Variants in CAMSAP1 observed in about 807,000 individuals in gnomAD.
CAMSAP1 encodes the protein calmodulin regulated spectrin associated protein 1.
Under a neutral mutation model 143.5 loss-of-function variants are expected in CAMSAP1, and 58 were observed. The observed-to-expected ratio is 0.40, with a 90% CI of 0.33 to 0.50. The LOEUF (loss-of-function observed/expected upper bound fraction) is 0.50. Among genes scored for constraint, CAMSAP1 ranks in the 20% least tolerant of loss-of-function variants. CAMSAP1 has a pLI of 0.45. For missense variants in CAMSAP1, 1,969 were observed against 2,115.7 expected (o/e 0.93, Z 1.36); for synonymous variants, 945 against 859.3 (o/e 1.10, Z -1.74).
At chr9:135,893,609 AAGG>A (rs920133793) in intron 1 of CAMSAP1, among the ~76,000 whole-genome samples, 25 of 152,334 alleles carry the variant, frequency 1.6e-4, no homozygotes, top group African/African-American at 6.0e-4. Context: ...GAGGCCCAGG[AAGG>A]AGAAGAAAAA....
intron 1 of CAMSAP1, among the ~76,000 whole-genome samples, chr9:135,904,274 C>G (rs1173778971): frequency 6.6e-6 from 1 of 151,120 alleles, no homozygotes; most frequent in East Asian, 2.0e-4. Context: ...GGTGGTGCAC[C>G]TGTAGTCCCA....
At chr9:135,868,869 G>GC (rs1837476461) in intron 3 of CAMSAP1, among the ~76,000 whole-genome samples, 1 of 152,000 alleles carries the variant, frequency 6.6e-6, no homozygotes, top group Non-Finnish European at 1.5e-5. Context: ...ACCTGCCTCA[G>GC]CCTCCCAAAG....
At chr9:135,840,991 G>A (rs1415536101) in intron 7 of CAMSAP1, among the ~76,000 whole-genome samples, 1 of 152,114 alleles carries the variant, frequency 6.6e-6, no homozygotes, top group African/African-American at 2.4e-5. Context: ...GAACGCCAGC[G>A]AGGCAGAACT....
intron 1 of CAMSAP1, among the ~76,000 whole-genome samples, chr9:135,885,456 C>G (rs1424476675): frequency 6.6e-6 from 1 of 152,162 alleles, no homozygotes; most frequent in African/African-American, 2.4e-5. Context: ...CAGGGGACCC[C>G]TCAGAGTGAT....
At chr9:135,840,598 G>C (rs894661580) in intron 7 of CAMSAP1, among the ~76,000 whole-genome samples, 4 of 151,648 alleles carry the variant, frequency 2.6e-5, no homozygotes, top group African/African-American at 9.7e-5. Context: ...AGATCAAACA[G>C]CTCCAATCTG....
rs202053346 is a variant in CAMSAP1 at position 135,824,746 on chromosome 9, G to A, written c.1315+43C>T. ...AGAAATATGATTTTACTAATCTATA[G>A]TAAGGAGAAATTAAGGAAAAAAGGA... On this transcript the variant is annotated intron_variant, in intron 9 of 16. Transcript: ENST00000389532. This position sits in a 1 kb window ranked among gnomAD's most constrained non-coding sequence, Gnocchi z 4.1. The A allele has an allele frequency of 7.9e-7, 1 of 1,269,422 alleles. No homozygotes were observed. Among genetic ancestry groups the A allele is most frequent in the Admixed American group, 2.6e-5 (1 of 38,194 alleles). The allele number at this position is 1,269,422 out of a possible 1,614,324, so 78.6% of individuals were successfully genotyped here. A position where few individuals can be genotyped will look rare whatever the true frequency, so the allele number is the denominator to read the frequency against.
At chr9:135,862,330 A>T in intron 5 of CAMSAP1, 137 bp downstream of exon 5, 2 of 1,027,758 alleles carry the variant, frequency 1.9e-6, no homozygotes, top group Non-Finnish European at 2.7e-6. Flanking sequence ...TTTCATCTAT[A>T]GGCTAACATC....
intron 5 of CAMSAP1, 90 bp downstream of exon 5, chr9:135,862,373 CTTTT>C (rs55684126): frequency 1.5e-5 from 16 of 1,073,024 alleles, no homozygotes; most frequent in Non-Finnish European, 2.0e-5. Context: ...TTTTCTTTCT[CTTTT>C]TTTTTTTTAA....
intron 3 of CAMSAP1, among the ~76,000 whole-genome samples, chr9:135,880,774 G>C (rs1837920260): frequency 6.6e-6 from 1 of 152,178 alleles, no homozygotes; most frequent in Non-Finnish European, 1.5e-5. Flanking sequence ...TTCCTTTGCT[G>C]TGTTAATGCG....
chr9:135,824,788 C>G lies in CAMSAP1; in HGVS notation c.1315+1G>C. 6.4e-7 allele frequency: 1 copy of G among 1,558,200 alleles called. No homozygotes were observed. Among genetic ancestry groups the G allele is most frequent in the Non-Finnish European group, 8.7e-7 (1 of 1,150,544 alleles). On this transcript the variant is annotated splice_donor_variant, in intron 9 of 16. Coordinates refer to ENST00000389532, the MANE Select transcript of CAMSAP1 (RefSeq NM_015447.4). LOFTEE classifies it high-confidence loss of function. The surrounding 1 kb of genome is among the most constrained non-coding windows in gnomAD (Gnocchi z 4.1). ...AAAAAAGGAGGAAACAACATTCTTA[C>G]CAGGGATGTCCTCTCCCTGTATGGA...
rs1211997135 is a variant in CAMSAP1, at chr9:135,850,247, A to G, written c.949-14T>C. On this transcript the variant is annotated splice_polypyrimidine_tract_variant and intron_variant, in intron 6 of 16. Transcript: ENST00000389532. Reference sequence around the variant, plus strand: ...CATAACATTCGGCTAAAAGACAAAAACAAAAAACCAAAGTATGATAAGCAG... The same window carrying G: ...CATAACATTCGGCTAAAAGACAAAAGCAAAAAACCAAAGTATGATAAGCAG... 2 of 1,612,684 alleles carry G rather than the reference A, an allele frequency of 1.2e-6. No individual in the cohort carries two copies. Among genetic ancestry groups the G allele is most frequent in the African/African-American group, 2.7e-5 (2 of 74,826 alleles).
chr9:135,819,252 C>G (rs1835352996), intron 11 of CAMSAP1, 106 bp from the exon 12 acceptor site: 1 of 1,355,520 alleles, frequency 7.4e-7, no homozygotes, highest in Admixed American at 2.7e-5. Context: ...AAAAGTTTAA[C>G]GCATAAAGAC....
At chr9:135,873,736 T>A (rs1026581499) in intron 3 of CAMSAP1, among the ~76,000 whole-genome samples, 1 of 152,044 alleles carries the variant, frequency 6.6e-6, no homozygotes, top group African/African-American at 2.4e-5. Context: ...AAATAGAAAA[T>A]CTATTATCAT....
chr9:135,813,527 C>T (rs1835125758), intron 16 of CAMSAP1, among the ~76,000 whole-genome samples: 1 of 152,170 alleles, frequency 6.6e-6, no homozygotes, highest in Non-Finnish European at 1.5e-5. Context: ...GTAGCGACAG[C>T]GGGACTGTGG....
chr9:135,903,045 A>G (rs557334599), intron 1 of CAMSAP1, among the ~76,000 whole-genome samples: 1 of 152,312 alleles, frequency 6.6e-6, no homozygotes, highest in Admixed American at 6.5e-5. Context: ...AGAGATAATA[A>G]AAGCTTGCTC....
intron 7 of CAMSAP1, among the ~76,000 whole-genome samples, chr9:135,846,777 A>T (rs1244448624): frequency 6.6e-6 from 1 of 152,168 alleles, no homozygotes; most frequent in Non-Finnish European, 1.5e-5. Flanking sequence ...CAAACATAAG[A>T]AAAAAAGCTC....
Position 135,838,661 on chromosome 9 carries a change from C to T in CAMSAP1, c.1046-11077G>A, listed in dbSNP as rs551716894. Among the ~76,000 whole-genome samples, 7 of 148,190 alleles carry T rather than the reference C, an allele frequency of 4.7e-5. No individual in the cohort carries two copies. In the East Asian group the frequency reaches 8.2e-4, roughly 17 times the overall value. On this transcript the variant is annotated intron_variant, in intron 7 of 16. Coordinates refer to ENST00000389532, the MANE Select transcript of CAMSAP1 (RefSeq NM_015447.4). ...CCCGTTCTACAGACACACATCATCA[C>T]GCACTTTCCACCCGTTCTACAGACA...
Position 135,824,988 on chromosome 9 carries a change from GA to G in CAMSAP1, c.1224-109del, listed in dbSNP as rs1277021343. On this transcript the variant is annotated intron_variant, in intron 8 of 16. Transcript: ENST00000389532. The surrounding 1 kb of genome is among the most constrained non-coding windows in gnomAD (Gnocchi z 4.1). ...ATCCTGAATTCACACCAAGTTTTGA[GA>G]AACTCGGACTGTTTGGGAAAAAAAT... 1.0e-5 allele frequency: 9 copies of G among 862,800 alleles called. No homozygotes were observed. In the Admixed American group the frequency reaches 2.8e-4, roughly 27 times the overall value. 53.4% of individuals were successfully genotyped at this position (862,800 alleles called of 1,614,324 possible).
At chr9:135,858,099 A>G (rs765501170) in intron 5 of CAMSAP1, among the ~76,000 whole-genome samples, 8 of 150,976 alleles carry the variant, frequency 5.3e-5, no homozygotes, top group Non-Finnish European at 1.0e-4. Context: ...CCAGGGTCCT[A>G]TAGGATGAGC....
Sources: gnomAD v4.1 joint callset for allele counts (sites outside exome capture counted in the v4.1 genomes callset) on GRCh38, gnomAD v4.1.1 for gene constraint, Gnocchi (gnomAD v3.1) non-coding constraint, MANE v1.5 for transcripts, NCBI Gene and HGNC (gene_info 2026-07-23, HGNC 2026-07-21) for gene names.